Variants in CD4 observed in about 807,000 individuals in gnomAD.
The protein encoded by CD4 is CD4 molecule.
In CD4, 25 loss-of-function variants were observed where a neutral mutation model predicts 50.5. That is an observed-to-expected ratio of 0.49 (90% CI 0.36 to 0.69). The LOEUF (loss-of-function observed/expected upper bound fraction) is 0.69, where lower values mean the gene tolerates loss of function less well. Among genes scored for constraint, CD4 ranks in the 30% least tolerant of loss-of-function variants. The probability of loss-of-function intolerance (pLI) is 0.00; values close to 1 mark genes in which losing one functional copy is unlikely to be tolerated. For synonymous variants in CD4, 207 were observed against 221.9 expected, an observed-to-expected ratio of 0.93 and a Z score of 0.60; for missense variants, 456 against 548.5, an observed-to-expected ratio of 0.83 and a Z score of 1.68.
Position 6,816,321 on chromosome 12 carries a change from T to C in CD4, c.873T>C (p.Tyr291=), listed in dbSNP as rs782329234. The C allele has an allele frequency of 1.4e-5, 23 of 1,614,080 alleles. No individual in the cohort carries two copies. The Admixed American group carries it at 3.3e-4, about 23-fold the overall frequency. Residue 291 remains tyrosine (Y), a synonymous_variant, in exon 6 of 10, where the codon TAT becomes TAC. Transcript: ENST00000011653. The surrounding 1 kb of genome is among the most constrained non-coding windows in gnomAD (Gnocchi z 4.9). ...CCCTGCCCCAGGCCTTGCCTCAGTA[T>C]GCTGGCTCTGGAAACCTCACCCTGG... ...HLTLPQALPQ[Y]AGSGNLTLAL...
Position 6,795,769 on chromosome 12 carries a change from T to C in CD4, c.-67-4303T>C, listed in dbSNP as rs755365330. 1.1e-4 allele frequency among the ~76,000 whole-genome samples: 16 copies of C among 152,188 alleles called. No individual in the cohort carries two copies. In the South Asian group the frequency reaches 1.7e-3, roughly 16 times the overall value. On this transcript the variant is annotated intron_variant, in intron 1 of 9. Coordinates refer to ENST00000011653, the MANE Select transcript of CD4 (RefSeq NM_000616.5). Reference sequence around the variant, plus strand: ...ACAGAAAATATGCCCAGGGCAGGGATAGAGTAGGAAAAATATCCCAGCTTC... The same window carrying C: ...ACAGAAAATATGCCCAGGGCAGGGACAGAGTAGGAAAAATATCCCAGCTTC...
At chr12:6,807,600 G>A (rs1591554453) in intron 3 of CD4, among the ~76,000 whole-genome samples, 1 of 152,118 alleles carries the variant, frequency 6.6e-6, no homozygotes, top group Admixed American at 6.5e-5. Context: ...GCTACAAAAA[G>A]CAACAACCTT....
At chr12:6,815,389 G>A (rs1943059171) in intron 5 of CD4, among the ~76,000 whole-genome samples, 1 of 152,158 alleles carries the variant, frequency 6.6e-6, no homozygotes, top group Non-Finnish European at 1.5e-5. Context: ...GATGTTCTAT[G>A]TTGTACCTCT....
At chr12:6,802,891 G>A (rs1421067530) in intron 3 of CD4, among the ~76,000 whole-genome samples, 1 of 151,802 alleles carries the variant, frequency 6.6e-6, no homozygotes, top group Non-Finnish European at 1.5e-5. Context: ...GTGCCACCAT[G>A]CCCAGCTAAC....
chr12:6,815,724 T>G, intron 5 of CD4: 1 of 1,342,862 alleles, frequency 7.4e-7, no homozygotes, highest in Non-Finnish European at 9.8e-7. Context: ...GCTGTTATTT[T>G]GTGAAGGGTG....
In CD4 at chr12:6,814,210, A is replaced by G; in HGVS notation, c.283A>G (p.Ile95Val). The change falls in exon 4 of 10, where the codon ATC becomes GTC. Residue 95 changes from isoleucine (I) to valine (V), a missense_variant. Ile to Val is a conservative substitution (Grantham distance 29). Coordinates refer to ENST00000011653, the MANE Select transcript of CD4 (RefSeq NM_000616.5). ...TTGGGACCAAGGAAACTTTCCCCTG[A>G]TCATCAAGAATCTTAAGATAGAAGA... ...SLWDQGNFPL[I>V]IKNLKIEDSD... 1 of 1,614,140 alleles carries G rather than the reference A, an allele frequency of 6.2e-7. No individual in the cohort carries two copies. The highest frequency in any genetic ancestry group is 2.2e-5 in the East Asian group (1 of 44,880).
At chr12:6,790,817 C>T (rs1312143567) in intron 1 of CD4, among the ~76,000 whole-genome samples, 1 of 152,228 alleles carries the variant, frequency 6.6e-6, no homozygotes, top group Non-Finnish European at 1.5e-5. Flanking sequence ...CGGAAAGGCC[C>T]TGTTCTCAAT....
In CD4 at chr12:6,814,763, T is replaced by A. The variant is rs1555117588; in HGVS notation, c.378T>A (p.Thr126=). The A allele has an allele frequency of 1.2e-6, 2 of 1,613,320 alleles. No individual in the cohort carries two copies. The highest frequency in any genetic ancestry group is 8.5e-7 in the Non-Finnish European group (1 of 1,179,438). Residue 126 remains threonine, a synonymous_variant, in exon 5 of 10, where the codon ACT becomes ACA. Transcript: ENST00000011653. The stretch of plus-strand genomic sequence containing the variant: ...AGCTGGCCTTTCCCTCCACAGTGAC[T>A]GCCAACTCTGACACCCACCTGCTTC... ...EEVQLLVFGL[T]ANSDTHLLQG...
intron 3 of CD4, among the ~76,000 whole-genome samples, chr12:6,808,193 G>A (rs144788231): frequency 3.4e-5 from 5 of 148,200 alleles, no homozygotes; most frequent in South Asian, 2.1e-4. Context: ...AGTGGCTCAC[G>A]CCTGTAATCC....
chr12:6,803,567 G>A (rs1271399908), intron 3 of CD4, among the ~76,000 whole-genome samples: 1 of 150,384 alleles, frequency 6.6e-6, no homozygotes, highest in African/African-American at 2.4e-5. Flanking sequence ...GGCGGATCAC[G>A]AGGTCAGGAG....
intron 3 of CD4, among the ~76,000 whole-genome samples, chr12:6,806,119 G>A (rs1280304762): frequency 6.9e-6 from 1 of 143,990 alleles, no homozygotes; most frequent in Non-Finnish European, 1.5e-5. Context: ...GGCAACATGA[G>A]GAAACCCCGT....
chr12:6,800,428 C>T lies in CD4; in HGVS notation c.171C>T (p.Asn57=), dbSNP rs782014370. The change falls in exon 3 of 10, where the codon AAC becomes AAT. Residue 57 remains asparagine (N), a synonymous_variant. Transcript: ENST00000011653. Reference sequence around the variant, plus strand: ...TACAATTCCACTGGAAAAACTCCAACCAGATAAAGATTCTGGGAAATCAGG... The same window carrying T: ...TACAATTCCACTGGAAAAACTCCAATCAGATAAAGATTCTGGGAAATCAGG... ...KSIQFHWKNS[N]QIKILGNQGS... 3 of 1,614,114 alleles carry T rather than the reference C, an allele frequency of 1.9e-6. No homozygotes were observed. The highest frequency in any genetic ancestry group is 1.6e-4 in the Middle Eastern group (1 of 6,062).
intron 1 of CD4, among the ~76,000 whole-genome samples, chr12:6,794,583 G>C (rs1942307182): frequency 6.6e-6 from 1 of 152,024 alleles, no homozygotes; most frequent in East Asian, 1.9e-4. Flanking sequence ...TGTTGGCCAG[G>C]CTGGTCTCGT....
At position 6,817,125 on chromosome 12, in the gene CD4, T is replaced by C. The variant is rs782767480; in HGVS notation, c.956-5T>C. 6.2e-7 allele frequency: 1 copy of C among 1,612,944 alleles called. No homozygotes were observed. The highest frequency in any genetic ancestry group is 1.7e-5 in the Admixed American group (1 of 60,016). ...CTTTGATCTCAGCCTCTCGTTCCTC[T>C]GCAGCCACTCAGCTCCAGAAAAATT... On this transcript the variant is annotated splice_region_variant and splice_polypyrimidine_tract_variant and intron_variant, in intron 6 of 9. Transcript: ENST00000011653.
chr12:6,806,891 G>T (rs1399550120), intron 3 of CD4, among the ~76,000 whole-genome samples: 4 of 152,202 alleles, frequency 2.6e-5, no homozygotes, highest in Admixed American at 6.5e-5. Flanking sequence ...CATGCGGCCG[G>T]GCGCGGTAGC....
intron 1 of CD4, among the ~76,000 whole-genome samples, chr12:6,793,704 C>CTATCT (rs1555113950): frequency 1.3e-3 from 42 of 31,126 alleles, no homozygotes; most frequent in African/African-American, 2.5e-3. Context: ...ATCTATCTAT[C>CTATCT]TTTTTTTTTT....
chr12:6,804,575 T>C (rs1162472863), intron 3 of CD4, among the ~76,000 whole-genome samples: 1 of 152,134 alleles, frequency 6.6e-6, no homozygotes, highest in Non-Finnish European at 1.5e-5. Context: ...CAATACCATT[T>C]ATAATTGCTC....
Position 6,816,298 on chromosome 12 carries a change from C to T in CD4, c.850C>T (p.Leu284=). ...CAAGAAGCTCCCGCTCCACCTCACC[C>T]TGCCCCAGGCCTTGCCTCAGTATGC... The part of the protein sequence containing the change: ...MGKKLPLHLT[L]PQALPQYAGS... Residue 284 remains leucine (L), a synonymous_variant, in exon 6 of 10, where the codon CTG becomes TTG. Coordinates refer to ENST00000011653, the MANE Select transcript of CD4 (RefSeq NM_000616.5). The surrounding 1 kb of genome is among the most constrained non-coding windows in gnomAD (Gnocchi z 4.9). 1.2e-6 allele frequency: 2 copies of T among 1,614,242 alleles called. No homozygotes were observed. The highest frequency in any genetic ancestry group is 4.5e-5 in the East Asian group (2 of 44,876).
chr12:6,794,980 T>G (rs11614716), intron 1 of CD4, among the ~76,000 whole-genome samples: 36,336 of 151,142 alleles, frequency 0.24, 4,821 homozygotes, highest in Middle Eastern at 0.32. Context: ...AGAGAAGGGT[T>G]TCACCATGTT....
Sources: gnomAD v4.1 joint callset for allele counts (sites outside exome capture counted in the v4.1 genomes callset) on GRCh38, gnomAD v4.1.1 for gene constraint, Gnocchi (gnomAD v3.1) non-coding constraint, MANE v1.5 for transcripts, NCBI Gene and HGNC (gene_info 2026-07-23, HGNC 2026-07-21) for gene names.